Variants in MAP3K5 observed in about 807,000 individuals in gnomAD.
MAP3K5 encodes the protein ASK-1.
In MAP3K5, 56 loss-of-function variants were observed where a neutral mutation model predicts 158.7. That is an observed-to-expected ratio of 0.35 (90% CI 0.28 to 0.44). The LOEUF (loss-of-function observed/expected upper bound fraction) is 0.44. Among genes scored for constraint, MAP3K5 ranks in the 20% least tolerant of loss-of-function variants. The probability of loss-of-function intolerance (pLI) is 1.00; values close to 1 mark genes in which losing one functional copy is unlikely to be tolerated. For synonymous variants in MAP3K5, 579 were observed against 601.7 expected (o/e 0.96, Z 0.55); for missense variants, 1,294 against 1,674.8 (o/e 0.77, Z 3.97).
At chr6:136,727,355 G>A (rs1158264540) in intron 1 of MAP3K5, among the ~76,000 whole-genome samples, 1 of 152,124 alleles carries the variant, frequency 6.6e-6, no homozygotes, top group Non-Finnish European at 1.5e-5. Flanking sequence ...CTTTGTGATT[G>A]GTAGTATTAT....
intron 1 of MAP3K5, among the ~76,000 whole-genome samples, chr6:136,724,194 GC>G (rs1781859866): frequency 6.6e-6 from 1 of 150,978 alleles, no homozygotes; most frequent in African/African-American, 2.4e-5. Context: ...GGAATTAGAT[GC>G]TAAAATAAAA....
At chr6:136,608,849 C>T (rs143326624) in intron 18 of MAP3K5, among the ~76,000 whole-genome samples, 217 of 152,342 alleles carry the variant, frequency 1.4e-3, no homozygotes, top group Non-Finnish European at 2.7e-3. Flanking sequence ...CCTTTTCCCT[C>T]ATCAAAATCA....
chr6:136,608,931 A>G (rs1776215969), intron 18 of MAP3K5, among the ~76,000 whole-genome samples: 1 of 152,196 alleles, frequency 6.6e-6, no homozygotes, highest in Non-Finnish European at 1.5e-5. Flanking sequence ...AGTGACCACC[A>G]AGTTCACGTT....
At chr6:136,684,512 C>T (rs1018357059) in intron 7 of MAP3K5, among the ~76,000 whole-genome samples, 23 of 152,080 alleles carry the variant, frequency 1.5e-4, no homozygotes, top group African/African-American at 5.3e-4. Flanking sequence ...TTCTGTGGTC[C>T]TCTAAGGCAT....
chr6:136,689,617 A>G (rs1388287893), intron 7 of MAP3K5, among the ~76,000 whole-genome samples: 1 of 152,232 alleles, frequency 6.6e-6, no homozygotes, highest in Non-Finnish European at 1.5e-5. Flanking sequence ...CTGTTACATC[A>G]GAAATCGGTT....
At chr6:136,611,231 C>G (rs767250085) in intron 18 of MAP3K5, 51 bp downstream of exon 18, 28 of 1,120,896 alleles carry the variant, frequency 2.5e-5, no homozygotes, top group Middle Eastern at 2.0e-4. Context: ...TCAAACTCAG[C>G]AATTATTTCT....
intron 23 of MAP3K5, 91 bp downstream of exon 23, chr6:136,592,081 GC>G (rs1775411153): frequency 1.6e-6 from 2 of 1,217,512 alleles, no homozygotes; most frequent in Non-Finnish European, 2.3e-6. Flanking sequence ...GGTTCCTCTT[GC>G]CTTTCACATC....
chr6:136,621,414 C>T (rs1776795485), intron 15 of MAP3K5, among the ~76,000 whole-genome samples: 1 of 152,170 alleles, frequency 6.6e-6, no homozygotes, highest in Non-Finnish European at 1.5e-5. Context: ...ATATCTGGTT[C>T]AGGTTCTGAC....
In MAP3K5 at chr6:136,757,582, T is replaced by TATTTA. The variant is rs34537453; in HGVS notation, c.448+34127_448+34128insTAAAT. Among the ~76,000 whole-genome samples the TATTTA allele has an allele frequency of 2.1e-3, 278 of 133,058 alleles. 6 individuals are homozygous for TATTTA. Among genetic ancestry groups the TATTTA allele is most frequent in the African/African-American group, 4.2e-3 (152 of 36,520 alleles). 87.3% of individuals were successfully genotyped at this position (133,058 alleles called of 152,430 possible). A position where few individuals can be genotyped will look rare whatever the true frequency, so the allele number is the denominator to read the frequency against. On this transcript the variant is annotated intron_variant, in intron 1 of 29. Coordinates refer to ENST00000359015, the MANE Select transcript of MAP3K5 (RefSeq NM_005923.4). ...CATTTTATAGATTTATTTATTTATTTTTTATTTTTTTTTTTTTTTTTTGAG... is the reference window on the plus strand; with the variant it reads ...CATTTTATAGATTTATTTATTTATTTATTTATTTATTTTTTTTTTTTTTTTTTGAG...
chr6:136,719,721 C>T (rs1340729730), intron 2 of MAP3K5, among the ~76,000 whole-genome samples: 3 of 152,144 alleles, frequency 2.0e-5, no homozygotes, highest in Non-Finnish European at 2.9e-5. Flanking sequence ...AACTGGAAGA[C>T]AGAGCTGAGA....
chr6:136,634,773 G>A (rs1426395556), intron 14 of MAP3K5, among the ~76,000 whole-genome samples: 1 of 151,634 alleles, frequency 6.6e-6, no homozygotes, highest in African/African-American at 2.4e-5. Context: ...CACCATGTTG[G>A]CCAGGCTGGT....
At chr6:136,618,800 G>C (rs1349306826) in intron 15 of MAP3K5, among the ~76,000 whole-genome samples, 2 of 152,150 alleles carry the variant, frequency 1.3e-5, no homozygotes, top group Non-Finnish European at 2.9e-5. Context: ...AATTAACTAA[G>C]AGGAAACTCT....
chr6:136,592,254 A>G lies in MAP3K5; in HGVS notation c.3144T>C (p.Ser1048=). 1 of 1,612,410 alleles carries G rather than the reference A, an allele frequency of 6.2e-7. No individual in the cohort carries two copies. The highest frequency in any genetic ancestry group is 1.7e-4 in the Middle Eastern group (1 of 6,046). Residue 1048 remains serine, a synonymous_variant, in exon 23 of 30, where the codon AGT becomes AGC. Transcript: ENST00000359015. ...TCCTGTGAAGGGTAGCTCGCCTCTC[A>G]CTGTCCTTCCTCAGCATGAAGAATC... ...DSGFFMLRKD[S]ERRATLHRIL...
chr6:136,763,766 T>C (rs1261524664), intron 1 of MAP3K5, among the ~76,000 whole-genome samples: 1 of 152,168 alleles, frequency 6.6e-6, no homozygotes. Context: ...TATGGGCGTA[T>C]TGAGAGGTGG....
intron 2 of MAP3K5, among the ~76,000 whole-genome samples, chr6:136,718,985 G>C (rs1781641706): frequency 6.6e-6 from 1 of 152,062 alleles, no homozygotes; most frequent in African/African-American, 2.4e-5. Flanking sequence ...AGACCAGCCT[G>C]GGCAACATGG....
At chr6:136,771,119 A>C (rs1051765698) in intron 1 of MAP3K5, among the ~76,000 whole-genome samples, 1 of 152,170 alleles carries the variant, frequency 6.6e-6, no homozygotes. Flanking sequence ...GCAGATGCTT[A>C]ACCTACAGCT....
intron 1 of MAP3K5, 28 bp downstream of exon 1, chr6:136,791,682 C>T: frequency 6.2e-7 from 1 of 1,609,960 alleles, no homozygotes; most frequent in Non-Finnish European, 8.5e-7. Context: ...CCCGACCGCG[C>T]GGGATGGGAA....
chr6:136,757,579 A>ATTTTTTTTTTTTTTTTTTTTTTT (rs776508913), intron 1 of MAP3K5, among the ~76,000 whole-genome samples: 1 of 111,972 alleles, frequency 8.9e-6, no homozygotes, highest in Non-Finnish European at 2.0e-5. Context: ...TTATTTATTT[A>ATTTTTTTTTTTTTTTTTTTTTTT]TTTTTTATTT....
intron 1 of MAP3K5, among the ~76,000 whole-genome samples, chr6:136,775,372 T>C (rs1784364909): frequency 6.6e-6 from 1 of 152,190 alleles, no homozygotes; most frequent in Non-Finnish European, 1.5e-5. Flanking sequence ...AGACTAAATA[T>C]TAAGTCATTA....
Sources: allele counts gnomAD v4.1 joint callset (sites outside exome capture counted in the v4.1 genomes callset), GRCh38; gene constraint gnomAD v4.1.1; transcripts MANE v1.5; gene names NCBI Gene and HGNC (gene_info 2026-07-23, HGNC 2026-07-21).